Variants in PALS2 observed in about 807,000 individuals in gnomAD.
PALS2 encodes the protein protein PALS2.
Under a neutral mutation model 61.6 loss-of-function variants are expected in PALS2, and 27 were observed. That is an observed-to-expected ratio of 0.44 (90% CI 0.32 to 0.60). PALS2 has a LOEUF of 0.60. Ranked by LOEUF, PALS2 falls within the 20% of genes least tolerant of loss-of-function variation. PALS2 has a pLI of 0.05. For synonymous variants in PALS2, 236 were observed against 218.6 expected, an observed-to-expected ratio of 1.08 and a Z score of -0.70; for missense variants, 554 against 639.4, an observed-to-expected ratio of 0.87 and a Z score of 1.44.
intron 1 of PALS2, among the ~76,000 whole-genome samples, chr7:24,604,611 A>G (rs1486494467): frequency 6.6e-6 from 1 of 152,226 alleles, no homozygotes; most frequent in Non-Finnish European, 1.5e-5. Context: ...GTTTTACTAA[A>G]TTCTGGTAGA....
intron 1 of PALS2, among the ~76,000 whole-genome samples, chr7:24,613,998 T>A (rs1342687903): frequency 2.0e-5 from 3 of 151,952 alleles, no homozygotes; most frequent in African/African-American, 7.2e-5. Flanking sequence ...TATTGGACAC[T>A]TTGATTGATT....
At chr7:24,586,968 G>A (rs551190264) in intron 1 of PALS2, among the ~76,000 whole-genome samples, 21 of 109,638 alleles carry the variant, frequency 1.9e-4, no homozygotes, top group Non-Finnish European at 4.1e-4. Flanking sequence ...GAAATTCCCC[G>A]CCCGCCCTGC....
intron 1 of PALS2, among the ~76,000 whole-genome samples, chr7:24,585,759 C>G (rs375735559): frequency 3.9e-5 from 6 of 152,184 alleles, no homozygotes; most frequent in East Asian, 3.9e-4. Context: ...ACTGCAGTGC[C>G]GAGATCTCGG....
intron 5 of PALS2, among the ~76,000 whole-genome samples, chr7:24,650,964 T>G (rs1786119359): frequency 6.6e-6 from 1 of 152,172 alleles, no homozygotes; most frequent in Non-Finnish European, 1.5e-5. Context: ...TACAGCTAGG[T>G]ATCAGAAGAA....
rs1308425560 is a variant in PALS2, at chr7:24,650,724, A to C, written c.651+12A>C. On this transcript the variant is annotated intron_variant, in intron 5 of 11. Coordinates refer to ENST00000222644, the MANE Select transcript of PALS2 (RefSeq NM_001303037.2). The stretch of plus-strand genomic sequence containing the variant: ...TTACTCCTCAACAGGTTAGTAATAA[A>C]ATTTTTGGTAGTATTAAAAATACTT... 6.8e-7 allele frequency: 1 copy of C among 1,469,154 alleles called. No individual in the cohort carries two copies. Among genetic ancestry groups the C allele is most frequent in the African/African-American group, 1.4e-5 (1 of 70,346 alleles). The allele number at this position is 1,469,154 out of a possible 1,614,324, so 91.0% of individuals were successfully genotyped here.
chr7:24,626,312 A>AATG (rs1215848910), intron 2 of PALS2, among the ~76,000 whole-genome samples: 1 of 152,156 alleles, frequency 6.6e-6, no homozygotes. Context: ...GAGAAGAAAG[A>AATG]ATGAAAAAAA....
intron 1 of PALS2, among the ~76,000 whole-genome samples, chr7:24,584,351 A>C (rs1415115272): frequency 6.7e-6 from 1 of 150,036 alleles, no homozygotes; most frequent in East Asian, 2.0e-4. Flanking sequence ...AATGATTGCC[A>C]TTCTAACTGG....
chr7:24,649,398 G>A (rs1562640799), intron 3 of PALS2, among the ~76,000 whole-genome samples: 1 of 151,732 alleles, frequency 6.6e-6, no homozygotes, highest in East Asian at 1.9e-4. Context: ...CTCAAAGAAG[G>A]AATATAATAT....
chr7:24,677,024 C>T (rs1787648598), intron 9 of PALS2, among the ~76,000 whole-genome samples: 1 of 151,564 alleles, frequency 6.6e-6, no homozygotes, highest in South Asian at 2.1e-4. Flanking sequence ...AATGTTCTTG[C>T]ATTTGTTTGT....
In PALS2 at chr7:24,650,615, A is replaced by G. The variant is rs1171570336; in HGVS notation, c.554A>G (p.Asn185Ser). 6.2e-7 allele frequency: 1 copy of G among 1,612,728 alleles called. No homozygotes were observed. Among genetic ancestry groups the G allele is most frequent in the Non-Finnish European group, 8.5e-7 (1 of 1,178,922 alleles). The change falls in exon 5 of 12, where the codon AAT becomes AGT. Residue 185 changes from asparagine to serine, a missense_variant. By Grantham distance (46) the Asn-to-Ser change is conservative. Coordinates refer to ENST00000222644, the MANE Select transcript of PALS2 (RefSeq NM_001303037.2). Reference protein sequence around the residue: ...IKEVNGHEVGNNPKELQELLK... With the variant: ...IKEVNGHEVGSNPKELQELLK... ...GAAGTCAATGGCCATGAGGTTGGAAATAATCCAAAGGAATTACAAGAATTA... is the reference window on the plus strand; with the variant it reads ...GAAGTCAATGGCCATGAGGTTGGAAGTAATCCAAAGGAATTACAAGAATTA...
intron 11 of PALS2, among the ~76,000 whole-genome samples, chr7:24,685,979 C>A (rs145908052): frequency 4.6e-5 from 7 of 152,164 alleles, no homozygotes; most frequent in African/African-American, 1.7e-4. Flanking sequence ...GCCTGCTGTA[C>A]ATCTCCACTT....
chr7:24,675,791 T>G (rs1312831522), intron 9 of PALS2, among the ~76,000 whole-genome samples: 1 of 123,108 alleles, frequency 8.1e-6, no homozygotes, highest in African/African-American at 4.0e-5. Flanking sequence ...CAGTCTATCA[T>G]TGTTGGACAT....
chr7:24,617,973 T>C (rs1363845990), intron 1 of PALS2, among the ~76,000 whole-genome samples: 1 of 152,154 alleles, frequency 6.6e-6, no homozygotes, highest in East Asian at 1.9e-4. Context: ...TAGTCTGTTT[T>C]TTAGGTTCTG....
intron 11 of PALS2, among the ~76,000 whole-genome samples, chr7:24,685,647 GTT>G (rs34096637): frequency 0.014 from 1,906 of 132,846 alleles, 28 homozygotes; most frequent in African/African-American, 0.043. Context: ...TGTTAACAGG[GTT>G]TTTTTTTTTT....
intron 7 of PALS2, 98 bp from the exon 8 acceptor site, chr7:24,665,923 T>A (rs949244155): frequency 1.3e-4 from 160 of 1,201,172 alleles, no homozygotes; most frequent in Non-Finnish European, 1.6e-4. Flanking sequence ...GGATGCCACA[T>A]TGGGGAGATA....
intron 1 of PALS2, among the ~76,000 whole-genome samples, chr7:24,582,908 T>TG (rs911413206): frequency 6.9e-6 from 1 of 145,710 alleles, no homozygotes; most frequent in African/African-American, 2.5e-5. Context: ...TTTTTTTTTT[T>TG]TGAGACAGAG....
intron 1 of PALS2, among the ~76,000 whole-genome samples, chr7:24,576,897 A>G (rs1038615956): frequency 6.6e-6 from 1 of 152,228 alleles, no homozygotes; most frequent in Admixed American, 6.5e-5. Context: ...TATAGATAAG[A>G]TTAAAGCCCA....
In PALS2 at chr7:24,615,646, C is replaced by A. The variant is rs564163707; in HGVS notation, c.-2-8020C>A. On this transcript the variant is annotated intron_variant, in intron 1 of 11. Coordinates refer to ENST00000222644, the MANE Select transcript of PALS2 (RefSeq NM_001303037.2). ...AGTCCAGGACTGGATGGCTTCACCA[C>A]TAAATTATCTTCTCAAACTATTCCA... Among the ~76,000 whole-genome samples the A allele has an allele frequency of 9.9e-5, 15 of 151,742 alleles. 1 individual carries two copies. The East Asian group carries it at 2.5e-3, about 25-fold the overall frequency.
chr7:24,672,192 C>T (rs1787330491), intron 9 of PALS2, among the ~76,000 whole-genome samples: 1 of 138,454 alleles, frequency 7.2e-6, no homozygotes. Context: ...AGGACTACTG[C>T]CATCTGTTTT....
Sources: allele counts gnomAD v4.1 joint callset (sites outside exome capture counted in the v4.1 genomes callset), GRCh38; gene constraint gnomAD v4.1.1; transcripts MANE v1.5; gene names NCBI Gene and HGNC (gene_info 2026-07-23, HGNC 2026-07-21).